The following AMPD3 variants were observed in gnomAD, a reference collection of about 807,000 sequenced individuals.
The protein encoded by AMPD3 is adenosine monophosphate deaminase 3.
AMPD3 carries 57 observed loss-of-function variants against 82.3 expected under a neutral mutation model. That is an observed-to-expected ratio of 0.69 (90% CI 0.56 to 0.86). The LOEUF is 0.86. AMPD3 is among the 40% of genes least tolerant of loss of function. The pLI is 0.00. For missense variants in AMPD3, 870 were observed against 1,003.8 expected, an observed-to-expected ratio of 0.87 and a Z score of 1.80; for synonymous variants, 381 against 394.7, an observed-to-expected ratio of 0.97 and a Z score of 0.41.
At chr11:10,470,165 C>T (rs1158168160) in intron 2 of AMPD3, among the ~76,000 whole-genome samples, 3 of 152,160 alleles carry the variant, frequency 2.0e-5, no homozygotes, top group Non-Finnish European at 4.4e-5. Context: ...TCAACATATG[C>T]AAATCAATCA....
chr11:10,476,644 G>A (rs978742054), intron 2 of AMPD3, among the ~76,000 whole-genome samples: 2 of 152,222 alleles, frequency 1.3e-5, no homozygotes, highest in Non-Finnish European at 1.5e-5. Flanking sequence ...ATGTGTGAGT[G>A]ACACAGAAAC....
chr11:10,487,272 T>G lies in AMPD3; in HGVS notation c.847T>G (p.Ser283Ala). The G allele has an allele frequency of 6.2e-7, 1 of 1,614,164 alleles. No individual in the cohort carries two copies. Among genetic ancestry groups the G allele is most frequent in the Non-Finnish European group, 8.5e-7 (1 of 1,180,014 alleles). ...YCHRRLNFLESKFSLHEMLNE... is the reference protein window; with the variant it reads ...YCHRRLNFLEAKFSLHEMLNE... Reference sequence around the variant, plus strand: ...TCACCGGCGACTGAACTTTCTGGAATCCAAGTTCAGCCTTCATGAGATGTT... The same window carrying G: ...TCACCGGCGACTGAACTTTCTGGAAGCCAAGTTCAGCCTTCATGAGATGTT... Residue 283 changes from serine to alanine, a missense_variant, in exon 6 of 15, where the codon TCC (serine) becomes GCC (alanine). Coordinates refer to ENST00000396553, the MANE Select transcript of AMPD3 (RefSeq NM_001025389.2).
rs780455793 is a variant in AMPD3 at position 10,495,041 on chromosome 11, C to G, written c.1266+11C>G. The stretch of plus-strand genomic sequence containing the variant: ...GCTCGGATGGTCAAGGTGAGTGAAC[C>G]CTCAGTCTCTCTGAGGCCTCTCAGG... On this transcript the variant is annotated intron_variant, in intron 8 of 14. Transcript: ENST00000396553. 1.2e-6 allele frequency: 2 copies of G among 1,614,072 alleles called. No individual in the cohort carries two copies. Among genetic ancestry groups the G allele is most frequent in the Admixed American group, 3.3e-5 (2 of 60,024 alleles).
At chr11:10,484,383 C>G in intron 4 of AMPD3, 1 of 985,400 alleles carries the variant, frequency 1.0e-6, no homozygotes, top group Non-Finnish European at 1.2e-6. Flanking sequence ...GTTATTCCCA[C>G]TGGGCAGTCC....
chr11:10,469,698 A>G (rs572976429), intron 2 of AMPD3, among the ~76,000 whole-genome samples: 77 of 152,366 alleles, frequency 5.1e-4, no homozygotes, highest in African/African-American at 1.7e-3. Flanking sequence ...AACATGGCAG[A>G]GACACAACAG....
upstream of AMPD3, among the ~76,000 whole-genome samples, chr11:10,452,299 A>G (rs1490160991): frequency 6.6e-6 from 1 of 152,004 alleles, no homozygotes; most frequent in Non-Finnish European, 1.5e-5. Flanking sequence ...ACAGGGAGAT[A>G]CCCTTTCTCC....
chr11:10,477,790 C>T (rs1312615440), intron 2 of AMPD3: 21 of 789,396 alleles, frequency 2.7e-5, no homozygotes, highest in Non-Finnish European at 3.2e-5. Flanking sequence ...TGCCATGGGC[C>T]GTGTGACTTT....
At chr11:10,493,719 G>C (rs1849309095) in intron 7 of AMPD3, 176 bp downstream of exon 7, 1 of 769,542 alleles carries the variant, frequency 1.3e-6, no homozygotes, top group Non-Finnish European at 2.2e-6. Context: ...GGCAGCCATG[G>C]GACAGGGAAA....
At chr11:10,495,798 T>C in intron 9 of AMPD3, 65 bp downstream of exon 9, 1 of 1,595,178 alleles carries the variant, frequency 6.3e-7, no homozygotes, top group Non-Finnish European at 8.6e-7. Context: ...CCTCATGGGC[T>C]GCTGAGTCTG....
At chr11:10,469,822 G>A (rs1482051088) in intron 2 of AMPD3, among the ~76,000 whole-genome samples, 2 of 151,972 alleles carry the variant, frequency 1.3e-5, no homozygotes, top group East Asian at 1.9e-4. Flanking sequence ...GGCAGATCAC[G>A]AGGTCAGGAG....
intron 1 of AMPD3, among the ~76,000 whole-genome samples, chr11:10,457,089 C>T (rs1848118072): frequency 6.6e-6 from 1 of 151,582 alleles, no homozygotes. Flanking sequence ...GCAATTCTCC[C>T]AACTCAGCCT....
intron 6 of AMPD3, among the ~76,000 whole-genome samples, chr11:10,487,654 C>CAA (rs1388415290): frequency 1.3e-5 from 2 of 152,096 alleles, no homozygotes; most frequent in African/African-American, 2.4e-5. Context: ...AGGGCACAGC[C>CAA]TATTAATTGG....
intron 5 of AMPD3, chr11:10,486,944 G>A (rs973756335): frequency 2.0e-6 from 2 of 985,304 alleles, no homozygotes; most frequent in African/African-American, 3.5e-5. Context: ...CATGGGAAAT[G>A]GAGGCTTGCG....
chr11:10,469,757 C>T (rs540042988), intron 2 of AMPD3, among the ~76,000 whole-genome samples: 124 of 152,202 alleles, frequency 8.1e-4, no homozygotes, highest in Non-Finnish European at 1.3e-3. Flanking sequence ...TAAAAGTCTT[C>T]GGCCGGGCGC....
intron 5 of AMPD3, among the ~76,000 whole-genome samples, chr11:10,485,840 A>G (rs1849052329): frequency 1.3e-5 from 2 of 151,550 alleles, no homozygotes; most frequent in Admixed American, 6.6e-5. Context: ...ATCTTTCTGA[A>G]TTTGGCCCCT....
chr11:10,504,245 G>A, intron 13 of AMPD3: 5 of 985,070 alleles, frequency 5.1e-6, no homozygotes, highest in Non-Finnish European at 4.8e-6. Context: ...GGCATGACTA[G>A]AGGGCTTGTC....
intron 4 of AMPD3, among the ~76,000 whole-genome samples, chr11:10,483,626 C>T (rs1041468176): frequency 2.0e-5 from 3 of 152,250 alleles, no homozygotes; most frequent in African/African-American, 7.2e-5. Flanking sequence ...GTAGCTTCAC[C>T]CGGGCCTTGA....
At position 10,506,025 on chromosome 11, in the gene AMPD3, C is replaced by T; in HGVS notation, c.*141C>T. ...AATTTTAAACTGGTGATTTTGGTTG[C>T]ACTGCTCACTTTAAGAGTTAACATG... On this transcript the variant is annotated 3_prime_UTR_variant, in exon 15 of 15. Coordinates refer to ENST00000396553, the MANE Select transcript of AMPD3 (RefSeq NM_001025389.2). This position sits in a 1 kb window ranked among gnomAD's most constrained non-coding sequence, Gnocchi z 4.1. 1 of 897,094 alleles carries T rather than the reference C, an allele frequency of 1.1e-6. No homozygotes were observed. Among genetic ancestry groups the T allele is most frequent in the South Asian group, 1.4e-5 (1 of 71,916 alleles). 55.6% of individuals were successfully genotyped at this position (897,094 alleles called of 1,614,324 possible).
intron 5 of AMPD3, chr11:10,486,875 C>T (rs180967845): frequency 1.0e-6 from 1 of 985,414 alleles, no homozygotes; most frequent in Admixed American, 6.1e-5. Flanking sequence ...GGCCCTTTCC[C>T]AGGCATAAAC....
Sources: allele counts gnomAD v4.1 joint callset (sites outside exome capture counted in the v4.1 genomes callset), GRCh38; gene constraint gnomAD v4.1.1; non-coding constraint Gnocchi (gnomAD v3.1); transcripts MANE v1.5; gene names NCBI Gene and HGNC (gene_info 2026-07-23, HGNC 2026-07-21).